The following PPP1R12B variants were observed in gnomAD, a reference collection of about 807,000 sequenced individuals.
PPP1R12B encodes the protein myosin phosphatase target subunit 2.
In PPP1R12B, 76 loss-of-function variants were observed where a neutral mutation model predicts 126.1. That is an observed-to-expected ratio of 0.60 (90% CI 0.50 to 0.73). PPP1R12B has a LOEUF of 0.73. Ranked by LOEUF, PPP1R12B falls within the 30% of genes least tolerant of loss-of-function variation. PPP1R12B has a pLI of 0.00. For synonymous variants in PPP1R12B, 356 were observed against 434.7 expected, an observed-to-expected ratio of 0.82 and a Z score of 2.25; for missense variants, 1,052 against 1,205.1, an observed-to-expected ratio of 0.87 and a Z score of 1.88.
At chr1:202,434,612 A>G (rs772210150) in intron 8 of PPP1R12B, 44 bp from the exon 9 acceptor site, 4 of 1,579,006 alleles carry the variant, frequency 2.5e-6, no homozygotes, top group Non-Finnish European at 3.4e-6. Flanking sequence ...CAAAGATAAG[A>G]TTTTTATACT....
intron 18 of PPP1R12B, among the ~76,000 whole-genome samples, chr1:202,501,526 T>C (rs373492742): frequency 4.3e-4 from 66 of 152,290 alleles, no homozygotes; most frequent in African/African-American, 1.6e-3. Context: ...GGCAGAATGG[T>C]GCCCTAAAGC....
chr1:202,462,854 T>A, intron 13 of PPP1R12B: 7 of 985,302 alleles, frequency 7.1e-6, no homozygotes, highest in Non-Finnish European at 8.4e-6. Flanking sequence ...TGCACAAGTG[T>A]GTGGCAAGGT....
chr1:202,462,695 C>T (rs1343767172), intron 13 of PPP1R12B: 1 of 907,626 alleles, frequency 1.1e-6, no homozygotes, highest in East Asian at 1.2e-4. Flanking sequence ...CCTCATTCAA[C>T]CCTCCCTTGT....
At chr1:202,382,526 G>A (rs534036060) in intron 1 of PPP1R12B, among the ~76,000 whole-genome samples, 1 of 148,648 alleles carries the variant, frequency 6.7e-6, no homozygotes, top group South Asian at 2.1e-4. Context: ...AACTTGGAAA[G>A]TTTGGAAAAC....
intron 13 of PPP1R12B, among the ~76,000 whole-genome samples, chr1:202,456,670 G>A (rs1447722111): frequency 6.6e-6 from 1 of 152,202 alleles, no homozygotes; most frequent in Non-Finnish European, 1.5e-5. Flanking sequence ...TGGCAAGGAA[G>A]GAAATCTATA....
chr1:202,502,165 A>G, intron 18 of PPP1R12B: 1 of 984,746 alleles, frequency 1.0e-6, no homozygotes, highest in Non-Finnish European at 1.2e-6. Context: ...TCCAGAATGC[A>G]ATCAGTAGGT....
At chr1:202,446,447 G>A (rs1672306421) in intron 12 of PPP1R12B, among the ~76,000 whole-genome samples, 1 of 148,194 alleles carries the variant, frequency 6.7e-6, no homozygotes, top group Non-Finnish European at 1.5e-5. Context: ...TAGAGACGGG[G>A]TTTCACCGTG....
At chr1:202,563,351 A>G (rs967132153) in intron 20 of PPP1R12B, among the ~76,000 whole-genome samples, 1 of 152,138 alleles carries the variant, frequency 6.6e-6, no homozygotes, top group Non-Finnish European at 1.5e-5. Flanking sequence ...TCCTGGCCAC[A>G]AGCAATCTTC....
intron 1 of PPP1R12B, among the ~76,000 whole-genome samples, chr1:202,368,429 C>T (rs1300027798): frequency 6.6e-6 from 1 of 152,136 alleles, no homozygotes; most frequent in African/African-American, 2.4e-5. Context: ...GCTTGTGCAG[C>T]CTGCAGAATT....
chr1:202,453,298 C>T (rs1300041757), intron 13 of PPP1R12B, among the ~76,000 whole-genome samples: 1 of 152,128 alleles, frequency 6.6e-6, no homozygotes, highest in Non-Finnish European at 1.5e-5. Flanking sequence ...ACTTGTGTAT[C>T]TTTGAACCAT....
At position 202,579,557 on chromosome 1, in the gene PPP1R12B, AG is replaced by A. The variant is rs1185908839; in HGVS notation, c.2863-916del. On this transcript the variant is annotated intron_variant, in intron 23 of 23. Transcript: ENST00000608999. ...TCAGATGCACAGCGTACTTGTTGAA[AG>A]TGCCTGATCATGTAACAAAGACTTG... Among the ~76,000 whole-genome samples, 9 of 152,246 alleles carry A rather than the reference AG, an allele frequency of 5.9e-5. 1 individual carries two copies. Among genetic ancestry groups the A allele is most frequent in the African/African-American group, 1.9e-4 (8 of 41,464 alleles).
chr1:202,514,336 G>A (rs1444478060), intron 18 of PPP1R12B, among the ~76,000 whole-genome samples: 2 of 152,030 alleles, frequency 1.3e-5, no homozygotes, highest in South Asian at 2.1e-4. Context: ...TTATACCTTT[G>A]TCAGATGCAT....
At chr1:202,505,739 TG>T (rs1680735090) in intron 18 of PPP1R12B, among the ~76,000 whole-genome samples, 2 of 152,192 alleles carry the variant, frequency 1.3e-5, no homozygotes, top group African/African-American at 4.8e-5. Context: ...TATTTTTTTT[TG>T]CAGTATATTA....
chr1:202,551,728 A>G (rs1191211011), intron 18 of PPP1R12B, among the ~76,000 whole-genome samples: 2 of 152,178 alleles, frequency 1.3e-5, no homozygotes, highest in Non-Finnish European at 2.9e-5. Context: ...GAAGGCAGAG[A>G]GCCTTCTCAG....
chr1:202,367,893 G>A (rs962606926), intron 1 of PPP1R12B, among the ~76,000 whole-genome samples: 1 of 152,048 alleles, frequency 6.6e-6, no homozygotes, highest in African/African-American at 2.4e-5. Flanking sequence ...AAGTGTGTGG[G>A]TCATACGGGA....
At chr1:202,447,049 A>G (rs191896347) in intron 12 of PPP1R12B, among the ~76,000 whole-genome samples, 2 of 152,344 alleles carry the variant, frequency 1.3e-5, no homozygotes, top group African/African-American at 4.8e-5. Flanking sequence ...TTGTCTGCAT[A>G]TGTCTCATTG....
intron 2 of PPP1R12B, among the ~76,000 whole-genome samples, chr1:202,422,394 G>A (rs181075787): frequency 6.6e-6 from 1 of 152,344 alleles, no homozygotes; most frequent in East Asian, 1.9e-4. Flanking sequence ...TAATATGAGT[G>A]TGAAAGAAAT....
At chr1:202,535,371 G>GA (rs775598717) in intron 18 of PPP1R12B, among the ~76,000 whole-genome samples, 15 of 151,926 alleles carry the variant, frequency 9.9e-5, no homozygotes, top group Non-Finnish European at 1.6e-4. Context: ...ATAAAAAGAG[G>GA]AAAAAGTAGA....
intron 19 of PPP1R12B, chr1:202,562,518 T>G (rs705750): frequency 0.67 from 376,535 of 563,690 alleles, 126,924 homozygotes; most frequent in East Asian, 0.77. Context: ...TTAAGTCAGC[T>G]CATAGGTCCA....
Sources: allele counts gnomAD v4.1 joint callset (sites outside exome capture counted in the v4.1 genomes callset), GRCh38; gene constraint gnomAD v4.1.1; transcripts MANE v1.5; gene names NCBI Gene and HGNC (gene_info 2026-07-23, HGNC 2026-07-21).